NALF1: variants seen among roughly 807,000 people sequenced by gnomAD.
NALF1 encodes the protein family with sequence similarity 155 member A.
A neutral mutation model predicts 48.4 loss-of-function variants in NALF1; 3 were observed. The observed-to-expected ratio is 0.06, with a 90% CI of 0.03 to 0.16. The LOEUF (loss-of-function observed/expected upper bound fraction) is 0.16, where lower values mean the gene tolerates loss of function less well. Ranked by LOEUF, NALF1 falls within the 10% of genes least tolerant of loss-of-function variation. The pLI is 1.00. For synonymous variants in NALF1, 262 were observed against 245.7 expected, an observed-to-expected ratio of 1.07 and a Z score of -0.62; for missense variants, 526 against 571.5, an observed-to-expected ratio of 0.92 and a Z score of 0.81.
At chr13:107,580,833 A>G (rs1878285501) in intron 1 of NALF1, among the ~76,000 whole-genome samples, 1 of 152,292 alleles carries the variant, frequency 6.6e-6, no homozygotes, top group Non-Finnish European at 1.5e-5. Context: ...CCAGGTTTTG[A>G]CCAGCAAGGA....
At chr13:107,392,696 C>T (rs532297063) in intron 1 of NALF1, among the ~76,000 whole-genome samples, 14 of 151,764 alleles carry the variant, frequency 9.2e-5, no homozygotes, top group Middle Eastern at 3.4e-3. Context: ...TGTGTGTGCG[C>T]GTGCATGCAT....
At chr13:107,210,833 A>G in intron 1 of NALF1, 78 bp from the exon 2 acceptor site, 2 of 1,014,268 alleles carry the variant, frequency 2.0e-6, no homozygotes, top group Non-Finnish European at 1.5e-6. Context: ...GAAGCGTGCA[A>G]GCGTGCTGTG....
intron 1 of NALF1, among the ~76,000 whole-genome samples, chr13:107,291,755 TA>T (rs1395861188): frequency 2.0e-5 from 3 of 151,858 alleles, no homozygotes; most frequent in African/African-American, 4.9e-5. Context: ...ATTTCTTGAA[TA>T]AAAAATAAGA....
intron 1 of NALF1, among the ~76,000 whole-genome samples, chr13:107,227,051 A>C (rs1196622370): frequency 6.6e-6 from 1 of 152,218 alleles, no homozygotes; most frequent in East Asian, 1.9e-4. Flanking sequence ...TCTTTTGACA[A>C]AACAGAAGAA....
chr13:107,479,143 G>A (rs1008693313), intron 1 of NALF1, among the ~76,000 whole-genome samples: 2 of 152,104 alleles, frequency 1.3e-5, no homozygotes, highest in Non-Finnish European at 2.9e-5. Flanking sequence ...AACCAGATGA[G>A]AGGCAGCTGC....
At chr13:107,212,767 C>T (rs1245894698) in intron 1 of NALF1, among the ~76,000 whole-genome samples, 1 of 152,170 alleles carries the variant, frequency 6.6e-6, no homozygotes, top group East Asian at 1.9e-4. Context: ...AATAACCTTT[C>T]TCAGGTACTA....
chr13:107,652,210 T>C (rs1880465566), intron 1 of NALF1, among the ~76,000 whole-genome samples: 1 of 152,250 alleles, frequency 6.6e-6, no homozygotes, highest in East Asian at 1.9e-4. Context: ...TTGGATTACC[T>C]AAGGATTTAA....
At chr13:107,629,770 A>C (rs1373787553) in intron 1 of NALF1, among the ~76,000 whole-genome samples, 1 of 152,200 alleles carries the variant, frequency 6.6e-6, no homozygotes, top group African/African-American at 2.4e-5. Flanking sequence ...ACACTTCATG[A>C]AAGATATTCT....
chr13:107,485,290 A>G (rs1297145801), intron 1 of NALF1, among the ~76,000 whole-genome samples: 1 of 152,080 alleles, frequency 6.6e-6, no homozygotes, highest in Non-Finnish European at 1.5e-5. Context: ...AATGATTGCT[A>G]ATTAGTCACT....
intron 1 of NALF1, among the ~76,000 whole-genome samples, chr13:107,519,928 C>T (rs1038968558): frequency 6.6e-6 from 1 of 152,070 alleles, no homozygotes; most frequent in African/African-American, 2.4e-5. Context: ...AAATGTAGTG[C>T]TCTGGTTAAA....
intron 1 of NALF1, among the ~76,000 whole-genome samples, chr13:107,813,921 G>A (rs1566492311): frequency 6.6e-6 from 1 of 152,064 alleles, no homozygotes; most frequent in African/African-American, 2.4e-5. Flanking sequence ...ATTCTAGTTG[G>A]ATTTTAGATA....
Position 107,865,866 on chromosome 13 carries a change from A to G in NALF1, c.731T>C (p.Leu244Ser). The G allele has an allele frequency of 1.2e-6, 2 of 1,614,052 alleles. No homozygotes were observed. Among genetic ancestry groups the G allele is most frequent in the Non-Finnish European group, 1.7e-6 (2 of 1,180,028 alleles). ...LFSGLSSPNT[L>S]NCSLDVVLKE... Reference sequence around the variant, plus strand: ...GAGCACCACATCCAGACTGCAGTTCAAAGTGTTGGGACTGGACAACCCCGA... The same window carrying G: ...GAGCACCACATCCAGACTGCAGTTCGAAGTGTTGGGACTGGACAACCCCGA... The change falls in exon 1 of 3, where the codon TTG becomes TCG. Residue 244 changes from leucine to serine, a missense_variant. Leu to Ser is a moderately radical substitution (Grantham distance 145, BLOSUM62 -2). Around this residue, in one of 2 missense-constraint regions of NALF1, gnomAD observed 373 missense variants for 355.5 expected, o/e 1.05. Transcript: ENST00000375915.
At chr13:107,572,547 C>A (rs1303296305) in intron 1 of NALF1, among the ~76,000 whole-genome samples, 1 of 152,130 alleles carries the variant, frequency 6.6e-6, no homozygotes, top group Admixed American at 6.6e-5. Context: ...TGTGCCGATC[C>A]AGGATTCTCG....
At chr13:107,492,057 T>C (rs962730224) in intron 1 of NALF1, among the ~76,000 whole-genome samples, 15 of 143,662 alleles carry the variant, frequency 1.0e-4, no homozygotes, top group African/African-American at 3.4e-4. Flanking sequence ...TTTTTTTTTT[T>C]GGTGAGGCAG....
rs543312754 is a variant in NALF1, at chr13:107,312,132, T to C, written c.916-101377A>G. On this transcript the variant is annotated intron_variant, in intron 1 of 2. Coordinates refer to ENST00000375915, the MANE Select transcript of NALF1 (RefSeq NM_001080396.3). ...AAAGACACATGCACACGTATGTTTATTGCGGCACTATTCACAATAGCGAAG... is the reference window on the plus strand; with the variant it reads ...AAAGACACATGCACACGTATGTTTACTGCGGCACTATTCACAATAGCGAAG... 3.3e-5 allele frequency among the ~76,000 whole-genome samples: 5 copies of C among 152,312 alleles called. No homozygotes were observed. The East Asian group carries it at 5.8e-4, about 18-fold the overall frequency.
intron 1 of NALF1, among the ~76,000 whole-genome samples, chr13:107,325,853 C>CATATAT (rs1385871427): frequency 0.02 from 994 of 49,322 alleles, 13 homozygotes; most frequent in South Asian, 0.038. Context: ...CACACACACA[C>CATATAT]ACATATATAT....
chr13:107,299,471 T>A (rs1246661282), intron 1 of NALF1, among the ~76,000 whole-genome samples: 10 of 51,504 alleles, frequency 1.9e-4, no homozygotes, highest in South Asian at 2.2e-3. Flanking sequence ...ATAATAATAA[T>A]AAATAAATAA....
chr13:107,183,867 T>A (rs1198295777), intron 2 of NALF1, among the ~76,000 whole-genome samples: 1 of 152,230 alleles, frequency 6.6e-6, no homozygotes, highest in East Asian at 1.9e-4. Flanking sequence ...GGGGGAGGGA[T>A]AGCATTAGGA....
At chr13:107,675,355 C>A (rs9583188) in intron 1 of NALF1, among the ~76,000 whole-genome samples, 62,769 of 151,914 alleles carry the variant, frequency 0.41, 14,321 homozygotes, top group East Asian at 0.58. Context: ...GATGGCATCA[C>A]CGCCCAGAAG....
Sources: gnomAD v4.1 joint callset for allele counts (sites outside exome capture counted in the v4.1 genomes callset) on GRCh38, gnomAD v4.1.1 for gene constraint, gnomAD v4.1.1 regional missense constraint, MANE v1.5 for transcripts, NCBI Gene and HGNC (gene_info 2026-07-23, HGNC 2026-07-21) for gene names.